MTHFD1L: variants seen among roughly 807,000 people sequenced by gnomAD.
MTHFD1L encodes monofunctional C1-tetrahydrofolate synthase, mitochondrial.
In MTHFD1L, 81 loss-of-function variants were observed where a neutral mutation model predicts 119.5. The observed-to-expected ratio is 0.68, with a 90% CI of 0.57 to 0.82. MTHFD1L has a LOEUF of 0.82. Ranked by LOEUF, MTHFD1L falls within the 40% of genes least tolerant of loss-of-function variation. The probability of loss-of-function intolerance (pLI) is 0.00; values close to 1 mark genes in which losing one functional copy is unlikely to be tolerated. For synonymous variants in MTHFD1L, 430 were observed against 475.2 expected (o/e 0.90, Z 1.24); for missense variants, 1,125 against 1,253.4 (o/e 0.90, Z 1.55).
intron 7 of MTHFD1L, among the ~76,000 whole-genome samples, chr6:150,901,530 C>T (rs1562346057): frequency 6.6e-6 from 1 of 152,140 alleles, no homozygotes. Context: ...TGCCGTGGAG[C>T]ATAATGTAAC....
At position 151,090,258 on chromosome 6, in the gene MTHFD1L, G is replaced by A. The variant is rs117412017; in HGVS notation, c.2848-2209G>A. 4.6e-3 allele frequency among the ~76,000 whole-genome samples: 695 copies of A among 152,224 alleles called. 5 individuals carry two copies. Among genetic ancestry groups the A allele is most frequent in the South Asian group, 0.022 (106 of 4,820 alleles). ...TTAAACCGGCTTTTCCCTCCCCTTC[G>A]CTCTCACCATTCCTTCTCTCCCTCT... On this transcript the variant is annotated intron_variant, in intron 26 of 27. Coordinates refer to ENST00000367321, the MANE Select transcript of MTHFD1L (RefSeq NM_015440.5).
chr6:151,067,635 T>A lies in MTHFD1L; in HGVS notation c.2848-24832T>A, dbSNP rs115276625. On this transcript the variant is annotated intron_variant, in intron 26 of 27. Coordinates refer to ENST00000367321, the MANE Select transcript of MTHFD1L (RefSeq NM_015440.5). ...CACTGTGGCCAGCTAATCACTTTTTTAAATCACAATTTGTGTTACGTTCAT... is the reference window on the plus strand; with the variant it reads ...CACTGTGGCCAGCTAATCACTTTTTAAAATCACAATTTGTGTTACGTTCAT... Among the ~76,000 whole-genome samples the A allele has an allele frequency of 7.9e-3, 1,203 of 152,362 alleles. 19 individuals carry two copies. The highest frequency in any genetic ancestry group is 0.027 in the African/African-American group (1,142 of 41,580).
At chr6:150,958,037 T>C (rs778397428) in intron 17 of MTHFD1L, among the ~76,000 whole-genome samples, 4 of 152,190 alleles carry the variant, frequency 2.6e-5, no homozygotes, top group African/African-American at 4.8e-5. Context: ...ATTGTATTGA[T>C]AGTTCCATTA....
chr6:150,888,351 A>T lies in MTHFD1L; in HGVS notation c.780+370A>T, dbSNP rs907526276. On this transcript the variant is annotated intron_variant, in intron 7 of 27. Transcript: ENST00000367321. ...TATGAATATAAATGAAATAATCGTG[A>T]GCGAAATCTGAGAACACCAAATACA... 2.6e-5 allele frequency among the ~76,000 whole-genome samples: 4 copies of T among 152,228 alleles called. No individual in the cohort carries two copies. In the East Asian group the frequency reaches 7.7e-4, roughly 29 times the overall value.
chr6:150,933,311 A>G (rs1414220274), intron 11 of MTHFD1L, among the ~76,000 whole-genome samples: 1 of 152,080 alleles, frequency 6.6e-6, no homozygotes, highest in Non-Finnish European at 1.5e-5. Context: ...CAAACACCAA[A>G]TGCTCAGTGC....
chr6:150,991,053 C>T (rs502403), intron 20 of MTHFD1L, among the ~76,000 whole-genome samples: 80,791 of 151,330 alleles, frequency 0.53, 22,721 homozygotes, highest in African/African-American at 0.7. Context: ...GACGGAGTTT[C>T]GCCATGTTGT....
chr6:150,975,865 G>C (rs187436875), intron 20 of MTHFD1L, among the ~76,000 whole-genome samples: 11 of 152,168 alleles, frequency 7.2e-5, no homozygotes, highest in Non-Finnish European at 1.3e-4. Context: ...CTGGTCTCGG[G>C]TACCACAGAC....
chr6:150,944,005 G>A (rs181195434), intron 13 of MTHFD1L, among the ~76,000 whole-genome samples: 2 of 152,292 alleles, frequency 1.3e-5, no homozygotes, highest in African/African-American at 4.8e-5. Context: ...AAATGCATCA[G>A]AATGTTTTGC....
intron 4 of MTHFD1L, among the ~76,000 whole-genome samples, chr6:150,880,658 A>T (rs1583344461): frequency 6.6e-6 from 1 of 152,254 alleles, no homozygotes; most frequent in Non-Finnish European, 1.5e-5. Flanking sequence ...TTGTTTTTTT[A>T]ATTTTGTGAG....
At chr6:150,977,902 CT>C (rs11355188) in intron 20 of MTHFD1L, among the ~76,000 whole-genome samples, 41,999 of 140,802 alleles carry the variant, frequency 0.3, 6,046 homozygotes, top group East Asian at 0.61. Context: ...ATATATACAC[CT>C]TTTTTTTTTT....
At chr6:150,979,439 G>A (rs138398057) in intron 20 of MTHFD1L, among the ~76,000 whole-genome samples, 4,209 of 151,892 alleles carry the variant, frequency 0.028, 207 homozygotes, top group Admixed American at 0.14. Flanking sequence ...TGACCTTATC[G>A]AGTCCCACTG....
At chr6:151,019,447 A>G (rs1216786227) in intron 24 of MTHFD1L, among the ~76,000 whole-genome samples, 1 of 151,334 alleles carries the variant, frequency 6.6e-6, no homozygotes, top group South Asian at 2.1e-4. Flanking sequence ...TGATATTTCA[A>G]TTTTTTTTTC....
chr6:150,981,776 T>C (rs1428571477), intron 20 of MTHFD1L, among the ~76,000 whole-genome samples: 1 of 152,226 alleles, frequency 6.6e-6, no homozygotes, highest in Non-Finnish European at 1.5e-5. Context: ...AATACTCTTC[T>C]GATATTGTTG....
intron 8 of MTHFD1L, among the ~76,000 whole-genome samples, chr6:150,917,096 T>G (rs1286098233): frequency 6.6e-6 from 1 of 151,988 alleles, no homozygotes; most frequent in African/African-American, 2.4e-5. Flanking sequence ...ATTTTTAAAT[T>G]ATCAAAAAAG....
rs1341385833 is a variant in MTHFD1L at position 151,084,990 on chromosome 6, T to A, written c.2848-7477T>A. On this transcript the variant is annotated intron_variant, in intron 26 of 27. Coordinates refer to ENST00000367321, the MANE Select transcript of MTHFD1L (RefSeq NM_015440.5). ...TCAAAGAAAAAAAAAAAAAAATATA[T>A]ATATATATATATATGTATATATTTA... 4.9e-3 allele frequency among the ~76,000 whole-genome samples: 640 copies of A among 131,394 alleles called. 8 individuals carry two copies. Among genetic ancestry groups the A allele is most frequent in the African/African-American group, 0.016 (493 of 30,194 alleles). The allele number at this position is 131,394 out of a possible 152,430, so 86.2% of individuals were successfully genotyped here.
rs1272436583 is a variant in MTHFD1L at position 151,014,901 on chromosome 6, G to A, written c.2329G>A (p.Gly777Ser). 12 of 1,613,992 alleles carry A rather than the reference G, an allele frequency of 7.4e-6. No homozygotes were observed. The highest frequency in any genetic ancestry group is 1.0e-5 in the Non-Finnish European group (12 of 1,179,970). ...ACAGAACATCCAGCTGGTGGCAGACGGCTGCTGTAACCTCCAGAAGCAAAT... is the reference window on the plus strand; with the variant it reads ...ACAGAACATCCAGCTGGTGGCAGACAGCTGCTGTAACCTCCAGAAGCAAAT... ...TEENIQLVAD[G>S]CCNLQKQIQI... The change falls in exon 23 of 28, where the codon GGC (glycine) becomes AGC (serine). Residue 777 changes from glycine to serine, a missense_variant. Transcript: ENST00000367321.
At chr6:151,003,037 C>T (rs929675221) in intron 20 of MTHFD1L, among the ~76,000 whole-genome samples, 8 of 152,102 alleles carry the variant, frequency 5.3e-5, no homozygotes, top group South Asian at 2.1e-4. Flanking sequence ...CGCCTCCAGT[C>T]GAGAAGGGCT....
At chr6:150,872,364 G>C (rs993982333) in intron 1 of MTHFD1L, among the ~76,000 whole-genome samples, 6 of 152,102 alleles carry the variant, frequency 3.9e-5, no homozygotes, top group African/African-American at 1.4e-4. Context: ...TATTTAAAGT[G>C]AGAGACCTGC....
chr6:150,959,898 G>A (rs1438784662), intron 17 of MTHFD1L, among the ~76,000 whole-genome samples: 2 of 152,112 alleles, frequency 1.3e-5, no homozygotes, highest in African/African-American at 2.4e-5. Flanking sequence ...TGGCACTTAC[G>A]GTCCAGTGGT....
Sources: gnomAD v4.1 joint callset for allele counts (sites outside exome capture counted in the v4.1 genomes callset) on GRCh38, gnomAD v4.1.1 for gene constraint, MANE v1.5 for transcripts, NCBI Gene and HGNC (gene_info 2026-07-23, HGNC 2026-07-21) for gene names.